The following CFAP61 variants were observed in gnomAD, a reference collection of about 807,000 sequenced individuals.
CFAP61 encodes the protein cilia and flagella associated protein 61.
A neutral mutation model predicts 135.6 loss-of-function variants in CFAP61; 107 were observed. That is an observed-to-expected ratio of 0.79 (90% CI 0.67 to 0.93). The LOEUF (loss-of-function observed/expected upper bound fraction) is 0.93, where lower values mean the gene tolerates loss of function less well. Among genes scored for constraint, CFAP61 ranks in the 40% least tolerant of loss-of-function variants. The probability of loss-of-function intolerance (pLI) is 0.00; values close to 1 mark genes in which losing one functional copy is unlikely to be tolerated. For synonymous variants in CFAP61, 575 were observed against 578.5 expected (o/e 0.99, Z 0.09); for missense variants, 1,507 against 1,556.2 (o/e 0.97, Z 0.53).
At chr20:20,314,262 T>G (rs2056986222) in intron 25 of CFAP61, among the ~76,000 whole-genome samples, 1 of 146,910 alleles carries the variant, frequency 6.8e-6, no homozygotes. Context: ...TCTTGGTGCA[T>G]GCATGTACTC....
Position 20,098,820 on chromosome 20 carries a change from GTGGCTA to G in CFAP61, c.859+8_859+13del. 6.2e-7 allele frequency: 1 copy of G among 1,608,970 alleles called. No homozygotes were observed. The highest frequency in any genetic ancestry group is 8.5e-7 in the Non-Finnish European group (1 of 1,178,094). ...AAGTGTCCGAAGAAGTCAAGGTACA[GTGGCTA>G]TCACAGGGACACACTGGGAAATTAA... On this transcript the variant is annotated splice_region_variant and intron_variant, in intron 8 of 26. Transcript: ENST00000245957.
intron 25 of CFAP61, among the ~76,000 whole-genome samples, chr20:20,309,520 C>T (rs146476649): frequency 2.9e-4 from 44 of 152,240 alleles, no homozygotes; most frequent in African/African-American, 7.9e-4. Context: ...CCAGAGTGGC[C>T]GGGCTTTCCA....
intron 17 of CFAP61, chr20:20,226,302 C>T (rs1014468076): frequency 1.3e-5 from 2 of 152,102 alleles, no homozygotes; most frequent in East Asian, 1.9e-4. Flanking sequence ...CTGCCATTGC[C>T]GTGAGAAGAA....
chr20:20,342,604 G>A (rs2058486229), intron 26 of CFAP61, among the ~76,000 whole-genome samples: 5 of 152,196 alleles, frequency 3.3e-5, no homozygotes. Flanking sequence ...CCAAGTGCCG[G>A]GGCCTGGGTT....
intron 24 of CFAP61, among the ~76,000 whole-genome samples, chr20:20,297,052 C>T (rs1468980886): frequency 6.6e-6 from 1 of 152,148 alleles, no homozygotes; most frequent in Admixed American, 6.5e-5. Context: ...CAATCTCTCA[C>T]ACACGCACCT....
At chr20:20,183,556 A>G (rs1364685923) in intron 13 of CFAP61, among the ~76,000 whole-genome samples, 1 of 152,236 alleles carries the variant, frequency 6.6e-6, no homozygotes, top group Admixed American at 6.5e-5. Flanking sequence ...ATTCAGTAGG[A>G]ATACGCTGTG....
chr20:20,125,249 C>T (rs1350818593), intron 8 of CFAP61, among the ~76,000 whole-genome samples: 1 of 151,234 alleles, frequency 6.6e-6, no homozygotes, highest in African/African-American at 2.4e-5. Flanking sequence ...TATTTCCTTT[C>T]TTCTGCTGGG....
intron 8 of CFAP61, among the ~76,000 whole-genome samples, chr20:20,119,910 ATGTT>A (rs2049479902): frequency 6.6e-6 from 1 of 151,990 alleles, no homozygotes; most frequent in African/African-American, 2.4e-5. Flanking sequence ...TTCTGTTCCT[ATGTT>A]TGTTTGGTAA....
intron 17 of CFAP61, among the ~76,000 whole-genome samples, chr20:20,209,254 A>G (rs1247467055): frequency 6.6e-6 from 1 of 152,126 alleles, no homozygotes; most frequent in African/African-American, 2.4e-5. Flanking sequence ...TTAAGTTTTT[A>G]TCCCAATTTT....
At chr20:20,328,596 C>A (rs767958060) in intron 25 of CFAP61, among the ~76,000 whole-genome samples, 18 of 152,178 alleles carry the variant, frequency 1.2e-4, no homozygotes, top group Non-Finnish European at 2.2e-4. Flanking sequence ...AAAAAAAAGG[C>A]AACCTATGAA....
chr20:20,246,209 C>A lies in CFAP61; in HGVS notation c.2153C>A (p.Ala718Asp). 1 of 1,605,096 alleles carries A rather than the reference C, an allele frequency of 6.2e-7. No homozygotes were observed. Among genetic ancestry groups the A allele is most frequent in the South Asian group, 1.1e-5 (1 of 90,874 alleles). ...GACACTGAACAAAGGAAATTTTTAGCCAGCGAGTATGAATTGTATTTGCTT... is the reference window on the plus strand; with the variant it reads ...GACACTGAACAAAGGAAATTTTTAGACAGCGAGTATGAATTGTATTTGCTT... ...LLDTEQRKFLASDHCFNDKDY... is the reference protein window; with the variant it reads ...LLDTEQRKFLDSDHCFNDKDY... The change falls in exon 19 of 27, where the codon GCC becomes GAC. Residue 718 changes from alanine (A) to aspartate (D), a missense_variant. Ala to Asp is a moderately radical substitution (Grantham distance 126). Transcript: ENST00000245957.
chr20:20,218,911 A>G (rs1352438025), intron 17 of CFAP61, among the ~76,000 whole-genome samples: 1 of 152,212 alleles, frequency 6.6e-6, no homozygotes, highest in African/African-American at 2.4e-5. Context: ...CCCACTAACA[A>G]GTTAGACTGT....
chr20:20,281,900 T>G (rs1408085691), intron 22 of CFAP61, among the ~76,000 whole-genome samples: 1 of 152,258 alleles, frequency 6.6e-6, no homozygotes. Flanking sequence ...GGAGTTTATA[T>G]TGTTGAAAGG....
rs4993920 is a variant in CFAP61 at position 20,337,656 on chromosome 20, G to A, written c.3423-4175G>A. ...GATGGATGGATAGATGGGTGGGTGG[G>A]TGGATGGATGGATGGATGGATAGAA... On this transcript the variant is annotated intron_variant, in intron 25 of 26. Transcript: ENST00000245957. Among the ~76,000 whole-genome samples, 18 of 3,750 alleles carry A rather than the reference G, an allele frequency of 4.8e-3. 1 individual carries two copies. The highest frequency in any genetic ancestry group is 8.2e-3 in the Non-Finnish European group (2 of 244). 2.5% of individuals were successfully genotyped at this position (3,750 alleles called of 152,430 possible). A position where few individuals can be genotyped will look rare whatever the true frequency, so the allele number is the denominator to read the frequency against.
At chr20:20,261,151 A>T (rs1250076132) in intron 20 of CFAP61, among the ~76,000 whole-genome samples, 1 of 152,256 alleles carries the variant, frequency 6.6e-6, no homozygotes, top group East Asian at 1.9e-4. Context: ...ATCCAGCTTT[A>T]AACATTGGTT....
At chr20:20,157,112 G>T (rs780851604) in intron 9 of CFAP61, among the ~76,000 whole-genome samples, 1 of 151,930 alleles carries the variant, frequency 6.6e-6, no homozygotes, top group Non-Finnish European at 1.5e-5. Context: ...TCTCTCTATT[G>T]CCCAGGCTGG....
chr20:20,310,486 G>A (rs1421666054), intron 25 of CFAP61, among the ~76,000 whole-genome samples: 1 of 152,214 alleles, frequency 6.6e-6, no homozygotes, highest in African/African-American at 2.4e-5. Context: ...CACACTGTAA[G>A]TACCATGGTT....
chr20:20,098,737 C>T lies in CFAP61; in HGVS notation c.782C>T (p.Pro261Leu), dbSNP rs746693168. The T allele has an allele frequency of 1.2e-6, 2 of 1,614,020 alleles. No individual in the cohort carries two copies. The highest frequency in any genetic ancestry group is 2.2e-5 in the South Asian group (2 of 91,078). Residue 261 changes from proline (P) to leucine (L), a missense_variant, in exon 8 of 27, where the codon CCT (proline) becomes CTT (leucine). By Grantham distance (98) the Pro-to-Leu change is moderately conservative. Transcript: ENST00000245957. ...CTGCATGAGTGCTTTGACTTGGGCC[C>T]TTTCCACGGACTCTGTTTCCCACAT... ...QLLHECFDLG[P>L]FHGLCFPHPD...
intron 21 of CFAP61, 35 bp from the exon 22 acceptor site, chr20:20,277,131 A>G: frequency 6.5e-7 from 1 of 1,531,834 alleles, no homozygotes; most frequent in Admixed American, 1.8e-5. Flanking sequence ...TGGTTTTCTG[A>G]ACTGTATATC....
Sources: allele counts gnomAD v4.1 joint callset (sites outside exome capture counted in the v4.1 genomes callset), GRCh38; gene constraint gnomAD v4.1.1; transcripts MANE v1.5; gene names NCBI Gene and HGNC (gene_info 2026-07-23, HGNC 2026-07-21).